The following ALCAM variants were observed in gnomAD, a reference collection of about 807,000 sequenced individuals.
The protein encoded by ALCAM is activated leukocyte cell adhesion molecule, also known as CD166 antigen.
A neutral mutation model predicts 70.9 loss-of-function variants in ALCAM; 30 were observed. That is an observed-to-expected ratio of 0.42 (90% CI 0.32 to 0.57). The LOEUF (loss-of-function observed/expected upper bound fraction) is 0.57. ALCAM is among the 20% of genes least tolerant of loss of function. ALCAM has a pLI of 0.11. For synonymous variants in ALCAM, 249 were observed against 242.5 expected (o/e 1.03, Z -0.25); for missense variants, 591 against 695.1 (o/e 0.85, Z 1.68).
intron 1 of ALCAM, among the ~76,000 whole-genome samples, chr3:105,476,342 TTA>T (rs1393594905): frequency 4.6e-5 from 7 of 152,072 alleles, no homozygotes; most frequent in Admixed American, 4.6e-4. Context: ...ACTACCATTG[TTA>T]TGTCTGTGTT....
Position 105,540,046 on chromosome 3 carries a change from C to T in ALCAM, c.802C>T (p.Leu268Phe). ...CATCAAAGAAGGGGATAACATCACTCTTAAATGCTTAGGGAATGGCAACCC... is the reference window on the plus strand; with the variant it reads ...CATCAAAGAAGGGGATAACATCACTTTTAAATGCTTAGGGAATGGCAACCC... ...NAIKEGDNIT[L>F]KCLGNGNPPP... Residue 268 changes from leucine (L) to phenylalanine (F), a missense_variant, in exon 7 of 16, where the codon CTT becomes TTT. Coordinates refer to ENST00000306107, the MANE Select transcript of ALCAM (RefSeq NM_001627.4). 3 of 1,612,530 alleles carry T rather than the reference C, an allele frequency of 1.9e-6. No individual in the cohort carries two copies. The highest frequency in any genetic ancestry group is 2.5e-6 in the Non-Finnish European group (3 of 1,178,940).
intron 3 of ALCAM, among the ~76,000 whole-genome samples, chr3:105,530,238 A>G (rs1408111087): frequency 6.6e-6 from 1 of 152,100 alleles, no homozygotes; most frequent in Non-Finnish European, 1.5e-5. Flanking sequence ...TCTCAAATGT[A>G]TTAGATATTT....
chr3:105,379,719 A>G (rs546614877), intron 1 of ALCAM, among the ~76,000 whole-genome samples: 96 of 151,952 alleles, frequency 6.3e-4, no homozygotes, highest in Non-Finnish European at 1.1e-3. Flanking sequence ...TGAGCACTGT[A>G]GGATGCTTCC....
chr3:105,392,894 G>A (rs193299921), intron 1 of ALCAM, among the ~76,000 whole-genome samples: 1 of 151,920 alleles, frequency 6.6e-6, no homozygotes, highest in Admixed American at 6.6e-5. Context: ...GATTTTGAGT[G>A]AGTTTCTTGA....
intron 1 of ALCAM, among the ~76,000 whole-genome samples, chr3:105,368,223 AAGAGAGAGAGAGAGAGAG>A (rs5851454): frequency 5.9e-4 from 40 of 67,828 alleles, no homozygotes; most frequent in African/African-American, 2.2e-3. Context: ...TGAGTCTTGG[AAGAGAGAGAGAGAGAGAG>A]AGAGAGAGAG....
At chr3:105,383,679 G>A (rs990460320) in intron 1 of ALCAM, among the ~76,000 whole-genome samples, 4 of 151,586 alleles carry the variant, frequency 2.6e-5, no homozygotes, top group African/African-American at 7.3e-5. Context: ...GATTTCTTCT[G>A]AGTGCCAATC....
chr3:105,481,661 C>A (rs943645897), intron 1 of ALCAM, among the ~76,000 whole-genome samples: 1 of 152,032 alleles, frequency 6.6e-6, no homozygotes, highest in Non-Finnish European at 1.5e-5. Context: ...AAAAAGGAAC[C>A]AAACCGAGGA....
At chr3:105,470,348 A>G (rs1937891538) in intron 1 of ALCAM, among the ~76,000 whole-genome samples, 1 of 143,916 alleles carries the variant, frequency 6.9e-6, no homozygotes. Context: ...TTTACTTGAT[A>G]ACTCAAAAAA....
chr3:105,507,315 T>C (rs1292381130), intron 1 of ALCAM, among the ~76,000 whole-genome samples: 1 of 152,180 alleles, frequency 6.6e-6, no homozygotes, highest in Non-Finnish European at 1.5e-5. Flanking sequence ...GATTTTCCTG[T>C]TGTGTTGTAC....
chr3:105,565,972 A>G (rs909574434), intron 14 of ALCAM, among the ~76,000 whole-genome samples: 2 of 152,222 alleles, frequency 1.3e-5, no homozygotes, highest in Admixed American at 1.3e-4. Context: ...TGGCACCACC[A>G]GAAAATACTT....
chr3:105,430,714 G>A (rs1466267224), intron 1 of ALCAM, among the ~76,000 whole-genome samples: 2 of 152,036 alleles, frequency 1.3e-5, no homozygotes, highest in South Asian at 4.1e-4. Flanking sequence ...CACACCTCAT[G>A]TTCCAGAAGC....
At chr3:105,459,191 T>A (rs927204306) in intron 1 of ALCAM, among the ~76,000 whole-genome samples, 4 of 152,160 alleles carry the variant, frequency 2.6e-5, no homozygotes, top group Non-Finnish European at 4.4e-5. Flanking sequence ...TCCAATTGTT[T>A]GCATATTCTG....
intron 1 of ALCAM, among the ~76,000 whole-genome samples, chr3:105,376,768 G>A (rs6771935): frequency 0.16 from 23,899 of 152,144 alleles, 2,001 homozygotes; most frequent in Middle Eastern, 0.22. Context: ...TCTGAGCTAC[G>A]TGCTGAGGAA....
At chr3:105,501,381 T>A (rs1938915541) in intron 1 of ALCAM, among the ~76,000 whole-genome samples, 1 of 152,178 alleles carries the variant, frequency 6.6e-6, no homozygotes, top group Admixed American at 6.5e-5. Flanking sequence ...ATCAAGGAGA[T>A]GTTTATTTAC....
rs1373016029 is a variant in ALCAM, at chr3:105,539,962, G to T, written c.731-13G>T. ...TGACAAAAATGGTTAACTTGTGTCTGTAACTCTTACAGATCCTACAGAGCA... is the reference window on the plus strand; with the variant it reads ...TGACAAAAATGGTTAACTTGTGTCTTTAACTCTTACAGATCCTACAGAGCA... On this transcript the variant is annotated splice_polypyrimidine_tract_variant and intron_variant, in intron 6 of 15. Coordinates refer to ENST00000306107, the MANE Select transcript of ALCAM (RefSeq NM_001627.4). The T allele has an allele frequency of 6.2e-7, 1 of 1,609,774 alleles. No individual in the cohort carries two copies. Among genetic ancestry groups the T allele is most frequent in the African/African-American group, 1.3e-5 (1 of 74,682 alleles).
chr3:105,487,440 G>A (rs1401886912), intron 1 of ALCAM, among the ~76,000 whole-genome samples: 2 of 152,084 alleles, frequency 1.3e-5, no homozygotes, highest in Non-Finnish European at 2.9e-5. Context: ...CCAACTCCAT[G>A]TTTCCTTCTC....
Position 105,488,655 on chromosome 3 carries a change from AGGAAGGGGAAG to A in ALCAM, c.74-31388_74-31378del, listed in dbSNP as rs200085460. 4.5e-3 allele frequency among the ~76,000 whole-genome samples: 649 copies of A among 145,610 alleles called. 14 individuals are homozygous for A. Among genetic ancestry groups the A allele is most frequent in the Admixed American group, 0.037 (532 of 14,510 alleles). Reference sequence around the variant, plus strand: ...TAGGAAGGAAGGAAGAAAGGATGGAAGGAAGGGGAAGGGAAGGGGAAGGGAAGGGGAAGGAA... The same window carrying A: ...TAGGAAGGAAGGAAGAAAGGATGGAAGGAAGGGGAAGGGAAGGGGAAGGAA... On this transcript the variant is annotated intron_variant, in intron 1 of 15. Transcript: ENST00000306107.
At chr3:105,424,926 C>A (rs1351343322) in intron 1 of ALCAM, among the ~76,000 whole-genome samples, 1 of 151,694 alleles carries the variant, frequency 6.6e-6, no homozygotes, top group African/African-American at 2.4e-5. Context: ...GGAATACATG[C>A]TATGTGTCTG....
At chr3:105,401,943 G>T (rs1242035050) in intron 1 of ALCAM, among the ~76,000 whole-genome samples, 2 of 150,862 alleles carry the variant, frequency 1.3e-5, no homozygotes, top group Admixed American at 6.6e-5. Context: ...AAAAGCTTTA[G>T]AAGTGATTCT....
Sources: allele counts gnomAD v4.1 joint callset (sites outside exome capture counted in the v4.1 genomes callset), GRCh38; gene constraint gnomAD v4.1.1; transcripts MANE v1.5; gene names NCBI Gene and HGNC (gene_info 2026-07-23, HGNC 2026-07-21).